Variants in ERC2 observed in about 807,000 individuals in gnomAD.
ERC2 encodes ERC protein 2.
ERC2 carries 42 observed loss-of-function variants against 114.8 expected under a neutral mutation model. The ratio of observed to expected loss-of-function variants is 0.37; its 90% CI spans 0.29 to 0.47. The LOEUF (loss-of-function observed/expected upper bound fraction) is 0.47. Among genes scored for constraint, ERC2 ranks in the 20% least tolerant of loss-of-function variants. ERC2 has a pLI of 0.99. For missense variants in ERC2, 939 were observed against 1,150.7 expected, an observed-to-expected ratio of 0.82 and a Z score of 2.66; for synonymous variants, 454 against 425.5, an observed-to-expected ratio of 1.07 and a Z score of -0.82.
chr3:56,280,136 T>C (rs2150318416), intron 3 of ERC2, among the ~76,000 whole-genome samples: 1 of 152,036 alleles, frequency 6.6e-6, no homozygotes, highest in East Asian at 1.9e-4. Context: ...ATAAAGAAAT[T>C]TGAAAATGTT....
chr3:55,861,318 C>T (rs2062017891), intron 14 of ERC2, among the ~76,000 whole-genome samples: 1 of 152,206 alleles, frequency 6.6e-6, no homozygotes, highest in East Asian at 1.9e-4. Context: ...GAAGCCAGCG[C>T]AGCTGGTTGC....
chr3:56,218,847 G>T (rs1364321767), intron 3 of ERC2, among the ~76,000 whole-genome samples: 2 of 152,154 alleles, frequency 1.3e-5, no homozygotes, highest in African/African-American at 2.4e-5. Flanking sequence ...TAGGGACATG[G>T]ATGAAGCTGG....
intron 2 of ERC2, among the ~76,000 whole-genome samples, chr3:56,308,741 C>T (rs1005854094): frequency 1.3e-5 from 2 of 152,108 alleles, no homozygotes; most frequent in South Asian, 2.1e-4. Context: ...GCTATGAAAA[C>T]CGTCTCCAAG....
chr3:56,359,283 A>T (rs772693851), intron 2 of ERC2, among the ~76,000 whole-genome samples: 6 of 152,234 alleles, frequency 3.9e-5, no homozygotes, highest in Admixed American at 3.9e-4. Flanking sequence ...ACCCTCCCAC[A>T]AATGAATATG....
chr3:55,730,374 G>T (rs1289198111), intron 15 of ERC2, among the ~76,000 whole-genome samples: 1 of 152,300 alleles, frequency 6.6e-6, no homozygotes, highest in East Asian at 1.9e-4. Context: ...TAGGCAATAA[G>T]TTGGTTGATT....
At chr3:56,432,151 C>T (rs79276780) in intron 2 of ERC2, among the ~76,000 whole-genome samples, 2,835 of 152,280 alleles carry the variant, frequency 0.019, 35 homozygotes, top group Non-Finnish European at 0.029. Flanking sequence ...ACATTTAATT[C>T]TTCGTGGATG....
chr3:56,204,031 CAA>C (rs1259582333), intron 3 of ERC2, among the ~76,000 whole-genome samples: 2 of 151,126 alleles, frequency 1.3e-5, no homozygotes, highest in African/African-American at 2.4e-5. Flanking sequence ...AATACACACA[CAA>C]AAAAAAGTTA....
intron 3 of ERC2, among the ~76,000 whole-genome samples, chr3:56,216,121 C>G (rs985476525): frequency 1.3e-4 from 20 of 152,032 alleles, no homozygotes; most frequent in African/African-American, 4.6e-4. Context: ...AAAGCTAGCA[C>G]AAGGCAAGAA....
chr3:56,210,866 C>T (rs1168971383), intron 3 of ERC2, among the ~76,000 whole-genome samples: 1 of 152,044 alleles, frequency 6.6e-6, no homozygotes, highest in Admixed American at 6.6e-5. Context: ...CACAGCAACC[C>T]TACAAATTAG....
At chr3:56,318,549 A>C (rs2056975024) in intron 2 of ERC2, among the ~76,000 whole-genome samples, 1 of 152,052 alleles carries the variant, frequency 6.6e-6, no homozygotes, top group Non-Finnish European at 1.5e-5. Flanking sequence ...ATAAGGGGTT[A>C]ATATCAAAAA....
intron 14 of ERC2, among the ~76,000 whole-genome samples, chr3:55,812,647 C>T (rs919010111): frequency 3.3e-5 from 5 of 152,096 alleles, no homozygotes; most frequent in East Asian, 1.9e-4. Flanking sequence ...TACTTAAAAG[C>T]GGGGGAAGGG....
At position 55,565,153 on chromosome 3, in the gene ERC2, A is replaced by G. The variant is rs573171935; in HGVS notation, c.*40-53877T>C. Among the ~76,000 whole-genome samples the G allele has an allele frequency of 2.8e-4, 42 of 152,328 alleles. No individual in the cohort carries two copies. The South Asian group carries it at 8.7e-3, about 32-fold the overall frequency. On this transcript the variant is annotated intron_variant, in intron 17 of 17. Coordinates refer to ENST00000288221, the MANE Select transcript of ERC2 (RefSeq NM_015576.3). ...ACATGGACTGCCTCCCACCAGATTT[A>G]TATCATATAAGAAAAAAAGAAGTTT...
chr3:56,169,286 T>C (rs1283884762), intron 4 of ERC2, among the ~76,000 whole-genome samples: 1 of 152,234 alleles, frequency 6.6e-6, no homozygotes, highest in Non-Finnish European at 1.5e-5. Flanking sequence ...GTTTCTGCTA[T>C]ACTAGCAAAA....
At chr3:56,169,317 T>C (rs1272120823) in intron 4 of ERC2, among the ~76,000 whole-genome samples, 1 of 152,240 alleles carries the variant, frequency 6.6e-6, no homozygotes, top group Non-Finnish European at 1.5e-5. Context: ...TCCCAAAGAA[T>C]ATCATTTAAT....
At chr3:55,706,362 TTTTG>T (rs200158593) in intron 15 of ERC2, among the ~76,000 whole-genome samples, 4,347 of 133,928 alleles carry the variant, frequency 0.032, 144 homozygotes, top group African/African-American at 0.079. Context: ...TTGGGATCTG[TTTTG>T]TTTGTTTCTG....
At chr3:55,857,896 G>A (rs141899627) in intron 14 of ERC2, among the ~76,000 whole-genome samples, 13 of 152,172 alleles carry the variant, frequency 8.5e-5, no homozygotes, top group African/African-American at 2.6e-4. Flanking sequence ...TCTATTCTAC[G>A]GAATGGACAG....
chr3:56,129,889 T>C (rs1351345226), intron 6 of ERC2, among the ~76,000 whole-genome samples: 2 of 152,218 alleles, frequency 1.3e-5, no homozygotes, highest in Non-Finnish European at 2.9e-5. Flanking sequence ...CTTAATTACA[T>C]ATTTGGTCAT....
At chr3:56,448,936 G>A (rs1189615222) in intron 1 of ERC2, among the ~76,000 whole-genome samples, 6 of 151,988 alleles carry the variant, frequency 3.9e-5, no homozygotes, top group South Asian at 2.1e-4. Context: ...TTAGCCAGGC[G>A]TGGTGGCAGG....
At chr3:55,632,154 T>G (rs1230725508) in intron 17 of ERC2, among the ~76,000 whole-genome samples, 1 of 152,218 alleles carries the variant, frequency 6.6e-6, no homozygotes, top group Non-Finnish European at 1.5e-5. Flanking sequence ...GCCAAACAGC[T>G]GGTTCCCTCT....
Sources: gnomAD v4.1 joint callset for allele counts (sites outside exome capture counted in the v4.1 genomes callset) on GRCh38, gnomAD v4.1.1 for gene constraint, MANE v1.5 for transcripts, NCBI Gene and HGNC (gene_info 2026-07-23, HGNC 2026-07-21) for gene names.